TMEM272: variants seen among roughly 807,000 people sequenced by gnomAD.
The protein encoded by TMEM272 is long intergenic non-protein coding RNA 282.
Under a neutral mutation model 3.7 loss-of-function variants are expected in TMEM272, and 8 were observed. The observed-to-expected ratio is 2.17, with a 90% CI of 1.27 to 3.91. TMEM272 has a LOEUF of 3.91. Ranked by LOEUF, TMEM272 falls within the 30% of genes most tolerant of loss-of-function variation. TMEM272 has a pLI of 0.00. For synonymous variants in TMEM272, 63 were observed against 39.8 expected (o/e 1.58, Z -2.20); for missense variants, 166 against 91.5 (o/e 1.81, Z -3.32).
chr13:51,869,974 G>T, the TMEM272 span, among the ~76,000 whole-genome samples: 1 of 152,218 alleles, frequency 6.6e-6, no homozygotes, highest in Non-Finnish European at 1.5e-5. Flanking sequence ...AAGCAGGATA[G>T]TTCTTCCATG....
At chr13:51,895,566 T>G in the TMEM272 span, among the ~76,000 whole-genome samples, 1 of 152,048 alleles carries the variant, frequency 6.6e-6, no homozygotes, top group Non-Finnish European at 1.5e-5. Flanking sequence ...GGGACATTTA[T>G]CCATCTACCT....
chr13:51,892,192 C>T, the TMEM272 span, among the ~76,000 whole-genome samples: 2 of 152,180 alleles, frequency 1.3e-5, no homozygotes, highest in East Asian at 3.9e-4. Flanking sequence ...CTAGTCTCTG[C>T]CCCTCAGGGG....
chr13:51,823,948 T>C (rs2139557751), intron 3 of TMEM272, among the ~76,000 whole-genome samples: 1 of 152,358 alleles, frequency 6.6e-6, no homozygotes, highest in Non-Finnish European at 1.5e-5. Context: ...TTTAGGTGAA[T>C]TTGTTATTAA....
chr13:51,843,445 C>T (rs1956278365), intron 1 of TMEM272, among the ~76,000 whole-genome samples: 1 of 152,070 alleles, frequency 6.6e-6, no homozygotes, highest in African/African-American at 2.4e-5. Flanking sequence ...AAAGAGGGTC[C>T]CTCAACAGCA....
chr13:51,927,357 G>C, the TMEM272 span, among the ~76,000 whole-genome samples: 1 of 152,126 alleles, frequency 6.6e-6, no homozygotes, highest in Admixed American at 6.6e-5. Flanking sequence ...CACCGTGCTA[G>C]GTTTATATTT....
the TMEM272 span, among the ~76,000 whole-genome samples, chr13:51,889,263 C>T: frequency 7.9e-5 from 12 of 152,158 alleles, no homozygotes; most frequent in South Asian, 2.1e-3. Context: ...TCCTCATATC[C>T]CTTCTGTTAT....
At chr13:51,889,176 C>T in the TMEM272 span, among the ~76,000 whole-genome samples, 1 of 152,052 alleles carries the variant, frequency 6.6e-6, no homozygotes, top group East Asian at 1.9e-4. Flanking sequence ...AGAAGAGTAT[C>T]TTTTTTATTT....
chr13:51,877,203 T>C, the TMEM272 span, among the ~76,000 whole-genome samples: 1 of 152,376 alleles, frequency 6.6e-6, no homozygotes, highest in South Asian at 2.1e-4. Flanking sequence ...ATTTAAATGC[T>C]GTGTAACTAA....
At chr13:51,864,788 G>C in the TMEM272 span, among the ~76,000 whole-genome samples, 1 of 152,108 alleles carries the variant, frequency 6.6e-6, no homozygotes, top group Non-Finnish European at 1.5e-5. Context: ...GGCCTTCTTG[G>C]TCCATGTCCC....
chr13:51,924,081 C>T, the TMEM272 span, among the ~76,000 whole-genome samples: 89 of 152,292 alleles, frequency 5.8e-4, no homozygotes, highest in African/African-American at 2.0e-3. Flanking sequence ...TTGAAAACCA[C>T]GCCTTCCTCA....
chr13:51,838,669 G>A (rs1956236356), intron 1 of TMEM272, 116 bp from the exon 2 acceptor site: 1 of 680,106 alleles, frequency 1.5e-6, no homozygotes, highest in South Asian at 1.6e-5. Flanking sequence ...AGTCAGCCCG[G>A]GTGGCCTGGG....
At chr13:51,859,068 T>C in the TMEM272 span, among the ~76,000 whole-genome samples, 1 of 152,190 alleles carries the variant, frequency 6.6e-6, no homozygotes, top group Non-Finnish European at 1.5e-5. Flanking sequence ...ATTTTTACTA[T>C]TTGACCTGTT....
At chr13:51,857,759 T>A in the TMEM272 span, among the ~76,000 whole-genome samples, 12 of 152,060 alleles carry the variant, frequency 7.9e-5, no homozygotes, top group African/African-American at 2.9e-4. Context: ...TAGATTCAAA[T>A]CTAATATAAA....
chr13:51,907,124 G>A, the TMEM272 span, among the ~76,000 whole-genome samples: 1 of 152,220 alleles, frequency 6.6e-6, no homozygotes, highest in Non-Finnish European at 1.5e-5. Context: ...CAGAAGTGAT[G>A]TTGCATAACT....
chr13:51,902,510 G>C, the TMEM272 span, among the ~76,000 whole-genome samples: 2 of 152,218 alleles, frequency 1.3e-5, no homozygotes, highest in African/African-American at 4.8e-5. Context: ...TTAGAATATA[G>C]GTTTTATAGA....
rs74568912 is a variant in TMEM272 at position 51,841,601 on chromosome 13, T to C, written c.-23-3048A>G. On this transcript the variant is annotated intron_variant, in intron 1 of 4. Coordinates refer to ENST00000629372, the MANE Select transcript of TMEM272 (RefSeq NM_001351003.2). ...CCACAAAAAGTAATAGAGCTGCATA[T>C]ACATTTTTTAATGCAAATGTCCTAA... is the stretch of plus-strand genomic sequence containing the variant. 7.3e-3 allele frequency among the ~76,000 whole-genome samples: 1,105 copies of C among 152,328 alleles called. 15 individuals are homozygous for C. Among genetic ancestry groups the C allele is most frequent in the African/African-American group, 0.025 (1,049 of 41,576 alleles).
At chr13:51,930,860 C>A in the TMEM272 span, among the ~76,000 whole-genome samples, 1 of 150,888 alleles carries the variant, frequency 6.6e-6, no homozygotes, top group Admixed American at 6.6e-5. Flanking sequence ...TATTTTTAAT[C>A]TTTAATAAAA....
At chr13:51,827,622 T>C (rs955527855) in intron 2 of TMEM272, among the ~76,000 whole-genome samples, 1 of 152,208 alleles carries the variant, frequency 6.6e-6, no homozygotes, top group Non-Finnish European at 1.5e-5. Context: ...TGCTGAGTCC[T>C]GTTGTCATGC....
chr13:51,931,218 C>T, the TMEM272 span, among the ~76,000 whole-genome samples: 1 of 151,660 alleles, frequency 6.6e-6, no homozygotes, highest in African/African-American at 2.4e-5. Context: ...ACGCAAATGC[C>T]CATCAATGAT....
Sources: gnomAD v4.1 joint callset for allele counts (sites outside exome capture counted in the v4.1 genomes callset) on GRCh38, gnomAD v4.1.1 for gene constraint, MANE v1.5 for transcripts, NCBI Gene and HGNC (gene_info 2026-07-23, HGNC 2026-07-21) for gene names.